Variants in DPP10 observed in about 807,000 individuals in gnomAD.
DPP10 encodes dipeptidyl peptidase like 10, also known as inactive dipeptidyl peptidase 10.
In DPP10, 33 loss-of-function variants were observed where a neutral mutation model predicts 120.9. The observed-to-expected ratio is 0.27, with a 90% CI of 0.21 to 0.37. DPP10 has a LOEUF of 0.37. Among genes scored for constraint, DPP10 ranks in the 10% least tolerant of loss-of-function variants. The pLI is 1.00. For missense variants in DPP10, 816 were observed against 942.8 expected (o/e 0.87, Z 1.76); for synonymous variants, 337 against 326.1 (o/e 1.03, Z -0.36).
At chr2:114,750,705 A>G (rs1015565404) in intron 1 of DPP10, among the ~76,000 whole-genome samples, 1 of 152,212 alleles carries the variant, frequency 6.6e-6, no homozygotes, top group Non-Finnish European at 1.5e-5. Flanking sequence ...GGTAGATGCC[A>G]GCCAGCCTAT....
chr2:115,082,123 A>ACCCTGC (rs1708321877), intron 1 of DPP10, among the ~76,000 whole-genome samples: 1 of 152,180 alleles, frequency 6.6e-6, no homozygotes, highest in African/African-American at 2.4e-5. Flanking sequence ...AACAGGCCAG[A>ACCCTGC]ATGTCCCTGT....
At chr2:114,955,772 A>G (rs1057426276) in intron 1 of DPP10, among the ~76,000 whole-genome samples, 5 of 152,190 alleles carry the variant, frequency 3.3e-5, no homozygotes, top group Non-Finnish European at 1.5e-5. Flanking sequence ...TATGCTTGGG[A>G]CGGAAAGATG....
At chr2:115,581,674 A>G (rs1299772002) in intron 5 of DPP10, among the ~76,000 whole-genome samples, 4 of 152,116 alleles carry the variant, frequency 2.6e-5, no homozygotes, top group African/African-American at 7.2e-5. Context: ...CAGCAGTACC[A>G]AAGGGTTTTA....
rs1269175386 is a variant in DPP10 at position 115,766,316 on chromosome 2, ATATATATATGTATATATATATG to A, written c.1114-1971_1114-1950del. ...TGTGTGTGTGTGTGTGTGTGTATAT[ATATATATATGTATATATATATG>A]TATATATATATATATATCACTCTAT... On this transcript the variant is annotated intron_variant, in intron 12 of 25. Transcript: ENST00000410059. Among the ~76,000 whole-genome samples the A allele has an allele frequency of 2.7e-3, 205 of 74,626 alleles. 2 individuals are homozygous for A. Among genetic ancestry groups the A allele is most frequent in the Non-Finnish European group, 3.5e-3 (144 of 40,946 alleles). 49.0% of individuals were successfully genotyped at this position (74,626 alleles called of 152,430 possible).
At chr2:115,412,201 A>G (rs1465847413) in intron 3 of DPP10, among the ~76,000 whole-genome samples, 1 of 152,164 alleles carries the variant, frequency 6.6e-6, no homozygotes, top group Non-Finnish European at 1.5e-5. Flanking sequence ...GATGAGGGAG[A>G]GTATAGAGAA....
In DPP10 at chr2:114,560,159, A is replaced by G. The variant is rs1688653735; in HGVS notation, c.60+117321A>G. Among the ~76,000 whole-genome samples the G allele has an allele frequency of 2.6e-5, 4 of 152,288 alleles. No individual in the cohort carries two copies. The South Asian group carries it at 6.2e-4, about 24-fold the overall frequency. On this transcript the variant is annotated intron_variant, in intron 1 of 25. Transcript: ENST00000410059. ...TGACCTTAGAAATTGTCTAATCCAT[A>G]TTGTGACTGGCATTATGAAAAAGCT...
chr2:115,538,538 G>T (rs540419301), intron 5 of DPP10, among the ~76,000 whole-genome samples: 5 of 152,022 alleles, frequency 3.3e-5, no homozygotes, highest in African/African-American at 1.2e-4. Flanking sequence ...TAACCTAGGG[G>T]TGGCAATGCT....
At chr2:114,660,699 C>G (rs549047715) in intron 1 of DPP10, among the ~76,000 whole-genome samples, 5 of 152,252 alleles carry the variant, frequency 3.3e-5, no homozygotes, top group Admixed American at 3.3e-4. Flanking sequence ...GATTCAATGA[C>G]TTAATAGATG....
intron 1 of DPP10, among the ~76,000 whole-genome samples, chr2:115,157,787 C>T (rs964812786): frequency 3.3e-5 from 5 of 152,172 alleles, no homozygotes. Context: ...CAGGCCAAGT[C>T]TCTGAAGACA....
chr2:115,014,634 C>A (rs1702501399), intron 1 of DPP10, among the ~76,000 whole-genome samples: 1 of 151,706 alleles, frequency 6.6e-6, no homozygotes, highest in Admixed American at 6.6e-5. Context: ...ATGAAATAGA[C>A]ACAATAAAAA....
At chr2:115,840,549 C>T (rs1690033227) in intron 24 of DPP10, among the ~76,000 whole-genome samples, 1 of 151,906 alleles carries the variant, frequency 6.6e-6, no homozygotes, top group Non-Finnish European at 1.5e-5. Context: ...TGGTCTCGAT[C>T]TCCTGACCTT....
At chr2:114,808,830 ACCACCAATATAAAATGCATT>A (rs1346161620) in intron 1 of DPP10, among the ~76,000 whole-genome samples, 1 of 152,140 alleles carries the variant, frequency 6.6e-6, no homozygotes, top group Non-Finnish European at 1.5e-5. Context: ...GACTTGTGTG[ACCACCAATATAAAATGCATT>A]CCACTCCCCA....
At chr2:115,494,557 T>C (rs1053543698) in intron 3 of DPP10, among the ~76,000 whole-genome samples, 12 of 152,250 alleles carry the variant, frequency 7.9e-5, no homozygotes, top group Non-Finnish European at 1.5e-4. Context: ...TGTGTTTTAA[T>C]TGTGAGTAGC....
chr2:115,776,643 T>A (rs1682131004), intron 13 of DPP10, among the ~76,000 whole-genome samples: 1 of 152,140 alleles, frequency 6.6e-6, no homozygotes, highest in African/African-American at 2.4e-5. Flanking sequence ...ACAATATATA[T>A]TTTTTAGACA....
intron 4 of DPP10, among the ~76,000 whole-genome samples, chr2:115,503,520 C>T (rs1434310615): frequency 3.3e-5 from 5 of 152,128 alleles, no homozygotes; most frequent in African/African-American, 9.7e-5. Context: ...AATTGTACCT[C>T]ATAAAATTTG....
At chr2:115,592,021 A>T (rs1177025402) in intron 5 of DPP10, among the ~76,000 whole-genome samples, 1 of 152,118 alleles carries the variant, frequency 6.6e-6, no homozygotes, top group East Asian at 1.9e-4. Context: ...TGAACAACAC[A>T]GCTCCCCTGA....
chr2:114,802,883 A>G (rs1417953112), intron 1 of DPP10, among the ~76,000 whole-genome samples: 2 of 152,174 alleles, frequency 1.3e-5, no homozygotes, highest in East Asian at 1.9e-4. Flanking sequence ...CATGAGTTCA[A>G]ATATGGTCAC....
chr2:115,720,866 A>G (rs2092631868), intron 7 of DPP10, among the ~76,000 whole-genome samples: 2 of 152,220 alleles, frequency 1.3e-5, no homozygotes, highest in Admixed American at 1.3e-4. Flanking sequence ...GGTTCCAGAT[A>G]AATTTTGAAG....
chr2:115,413,411 T>C (rs2069113841), intron 3 of DPP10, among the ~76,000 whole-genome samples: 1 of 151,816 alleles, frequency 6.6e-6, no homozygotes, highest in Admixed American at 6.6e-5. Context: ...AGTCGGAAAA[T>C]AGTGGCAGCC....
Sources: allele counts gnomAD v4.1 joint callset (sites outside exome capture counted in the v4.1 genomes callset), GRCh38; gene constraint gnomAD v4.1.1; transcripts MANE v1.5; gene names NCBI Gene and HGNC (gene_info 2026-07-23, HGNC 2026-07-21).